VAMP4: variants seen among roughly 807,000 people sequenced by gnomAD.
VAMP4 encodes vesicle associated membrane protein 4.
Under a neutral mutation model 23.5 loss-of-function variants are expected in VAMP4, and 19 were observed. The observed-to-expected ratio is 0.81, with a 90% CI of 0.56 to 1.19. The LOEUF (loss-of-function observed/expected upper bound fraction) is 1.19, where lower values mean the gene tolerates loss of function less well. Ranked by LOEUF, VAMP4 falls within the 50% of genes most tolerant of loss-of-function variation. VAMP4 has a pLI of 0.00. For missense variants in VAMP4, 145 were observed against 168.6 expected (o/e 0.86, Z 0.78); for synonymous variants, 31 against 51.0 (o/e 0.61, Z 1.67).
At chr1:171,717,304 G>A (rs1367609307) in intron 4 of VAMP4, among the ~76,000 whole-genome samples, 2 of 152,160 alleles carry the variant, frequency 1.3e-5, no homozygotes, top group African/African-American at 2.4e-5. Flanking sequence ...CTCAGTGCAG[G>A]AGAATGGTTC....
At position 171,728,398 on chromosome 1, in the gene VAMP4, T is replaced by C. The variant is rs530015480; in HGVS notation, c.113+126A>G. ...TTTTCACATATCCACTGGGGGATCT[T>C]GGAAGGCATCTCTCACGTATAAGGG... On this transcript the variant is annotated intron_variant, in intron 3 of 7. Coordinates refer to ENST00000236192, the MANE Select transcript of VAMP4 (RefSeq NM_003762.5). The C allele has an allele frequency of 1.3e-5, 9 of 699,988 alleles. No homozygotes were observed. In the East Asian group the frequency reaches 2.3e-4, roughly 18 times the overall value. 43.4% of individuals were successfully genotyped at this position (699,988 alleles called of 1,614,324 possible).
intron 2 of VAMP4, among the ~76,000 whole-genome samples, chr1:171,729,978 G>C (rs1389955177): frequency 6.6e-6 from 1 of 152,126 alleles, no homozygotes; most frequent in African/African-American, 2.4e-5. Context: ...GACAGACAGA[G>C]ACAGACAGAC....
At chr1:171,733,451 C>A (rs1458184955) in intron 2 of VAMP4, among the ~76,000 whole-genome samples, 4 of 151,914 alleles carry the variant, frequency 2.6e-5, no homozygotes. Flanking sequence ...CAAAGCCAGA[C>A]CCTGTCTCAA....
Position 171,740,825 on chromosome 1 carries a change from T to A in VAMP4, c.-50+1085A>T, listed in dbSNP as rs1369887764. On this transcript the variant is annotated intron_variant, in intron 1 of 7. Coordinates refer to ENST00000236192, the MANE Select transcript of VAMP4 (RefSeq NM_003762.5). ...TACAGTAAAACTACAATCTTAAGGA[T>A]GAGCAAACACCATATTCAGGTCTCT... 2.0e-5 allele frequency among the ~76,000 whole-genome samples: 3 copies of A among 152,336 alleles called. No homozygotes were observed. The East Asian group carries it at 5.8e-4, about 29-fold the overall frequency.
intron 4 of VAMP4, 64 bp from the exon 5 acceptor site, chr1:171,710,878 T>C: frequency 2.5e-6 from 3 of 1,205,342 alleles, no homozygotes; most frequent in Non-Finnish European, 3.5e-6. Context: ...TTTTTAAAAC[T>C]TTCATTAGAC....
At position 171,701,312 on chromosome 1, in the gene VAMP4, A is replaced by G. The variant is rs1654424632; in HGVS notation, c.*3194T>C. 1 of 152,204 alleles carries G rather than the reference A, an allele frequency of 6.6e-6. No homozygotes were observed. The highest frequency in any genetic ancestry group is 1.5e-5 in the Non-Finnish European group (1 of 68,020). The allele number at this position is 152,204 out of a possible 1,614,324, so 9.4% of individuals were successfully genotyped here. A position where few individuals can be genotyped will look rare whatever the true frequency, so the allele number is the denominator to read the frequency against. On this transcript the variant is annotated 3_prime_UTR_variant, in exon 8 of 8. Coordinates refer to ENST00000236192, the MANE Select transcript of VAMP4 (RefSeq NM_003762.5). ...TAGTAATACTCTGACAATACAATTA[A>G]GGGGACATCTTCTAATGGCATTTGT...
intron 2 of VAMP4, among the ~76,000 whole-genome samples, chr1:171,736,794 C>T (rs185245218): frequency 1.4e-4 from 21 of 152,006 alleles, no homozygotes; most frequent in Non-Finnish European, 2.9e-4. Flanking sequence ...CTGGGCAACA[C>T]GGCAAAACCC....
Position 171,704,385 on chromosome 1 carries a change from G to C in VAMP4, c.*121C>G. The stretch of plus-strand genomic sequence containing the variant: ...AACGTTCCAATTTGAAGTGATACTT[G>C]CCTCTTAGTTTCTTGAAAAAGAAGT... On this transcript the variant is annotated 3_prime_UTR_variant, in exon 8 of 8. Transcript: ENST00000236192. 1.5e-6 allele frequency: 1 copy of C among 645,278 alleles called. No individual in the cohort carries two copies. The highest frequency in any genetic ancestry group is 3.4e-5 in the East Asian group (1 of 29,416). The allele number at this position is 645,278 out of a possible 1,614,324, so 40.0% of individuals were successfully genotyped here.
intron 4 of VAMP4, among the ~76,000 whole-genome samples, chr1:171,715,040 G>A (rs867228813): frequency 6.6e-6 from 1 of 152,248 alleles, no homozygotes; most frequent in South Asian, 2.1e-4. Context: ...TGGATGGTGA[G>A]AAAGTTCTAG....
At chr1:171,722,113 C>T (rs1309578906) in intron 3 of VAMP4, among the ~76,000 whole-genome samples, 1 of 152,090 alleles carries the variant, frequency 6.6e-6, no homozygotes. Flanking sequence ...CATCTACAAC[C>T]ATCTGATCTT....
intron 3 of VAMP4, among the ~76,000 whole-genome samples, chr1:171,724,997 T>A (rs1655321475): frequency 6.6e-6 from 1 of 152,182 alleles, no homozygotes; most frequent in Non-Finnish European, 1.5e-5. Context: ...TGGCATTAAG[T>A]AATTCACTTA....
At chr1:171,715,668 G>C (rs560877208) in intron 4 of VAMP4, among the ~76,000 whole-genome samples, 20 of 152,074 alleles carry the variant, frequency 1.3e-4, no homozygotes, top group Non-Finnish European at 2.2e-4. Flanking sequence ...AGTGCCCTTC[G>C]ATTAAGAAAC....
chr1:171,728,710 C>A, intron 2 of VAMP4, 140 bp from the exon 3 acceptor site: 1 of 736,294 alleles, frequency 1.4e-6, no homozygotes, highest in Non-Finnish European at 2.1e-6. Context: ...AATTACATAT[C>A]CTTCACTGGA....
At position 171,726,485 on chromosome 1, in the gene VAMP4, G is replaced by T. The variant is rs371740317; in HGVS notation, c.113+2039C>A. 6.6e-5 allele frequency among the ~76,000 whole-genome samples: 10 copies of T among 152,296 alleles called. 1 individual carries two copies. The highest frequency in any genetic ancestry group is 2.0e-4 in the Admixed American group (3 of 15,292). On this transcript the variant is annotated intron_variant, in intron 3 of 7. Transcript: ENST00000236192. The stretch of plus-strand genomic sequence containing the variant: ...GCCAAATATAAACCTAGACCTGTCT[G>T]AGAGCTCTTTCTAATCATAACTACA...
At chr1:171,739,908 A>AT (rs1054308559) in intron 1 of VAMP4, among the ~76,000 whole-genome samples, 7 of 151,860 alleles carry the variant, frequency 4.6e-5, no homozygotes, top group South Asian at 4.2e-4. Flanking sequence ...ACATACTAAA[A>AT]TTTTTTTTTG....
intron 4 of VAMP4, among the ~76,000 whole-genome samples, chr1:171,716,114 G>A (rs1201571980): frequency 6.6e-6 from 1 of 152,166 alleles, no homozygotes; most frequent in Non-Finnish European, 1.5e-5. Context: ...AAGTTAAGCT[G>A]TATTTTTGCA....
rs1161544216 is a variant in VAMP4, at chr1:171,703,249, G to GTATT, written c.*1253_*1256dup. The GTATT allele has an allele frequency of 6.6e-6, 1 of 150,716 alleles. No individual in the cohort carries two copies. The highest frequency in any genetic ancestry group is 2.4e-5 in the African/African-American group (1 of 41,098). 9.3% of individuals were successfully genotyped at this position (150,716 alleles called of 1,614,324 possible). A position where few individuals can be genotyped will look rare whatever the true frequency, so the allele number is the denominator to read the frequency against. ...CTCTCCCCACACCTTAGGGGACAAT[G>GTATT]TATTTTCACTCTGACTTGTTTAAAA... On this transcript the variant is annotated 3_prime_UTR_variant, in exon 8 of 8. Coordinates refer to ENST00000236192, the MANE Select transcript of VAMP4 (RefSeq NM_003762.5).
At chr1:171,713,370 G>A (rs915429296) in intron 4 of VAMP4, among the ~76,000 whole-genome samples, 4 of 151,922 alleles carry the variant, frequency 2.6e-5, no homozygotes, top group Non-Finnish European at 5.9e-5. Context: ...TGAATAAAAT[G>A]TACTAAGGCT....
rs951170642 is a variant in VAMP4, at chr1:171,725,367, G to A, written c.113+3157C>T. 1.6e-4 allele frequency among the ~76,000 whole-genome samples: 25 copies of A among 152,174 alleles called. 1 individual carries two copies. The highest frequency in any genetic ancestry group is 6.0e-4 in the African/African-American group (25 of 41,434). On this transcript the variant is annotated intron_variant, in intron 3 of 7. Coordinates refer to ENST00000236192, the MANE Select transcript of VAMP4 (RefSeq NM_003762.5). ...TTCTAGCTACTCTGGTAGGGGACCT[G>A]AGGCAGGAGAATCACTTGAGGTCAG...
Sources: allele counts gnomAD v4.1 joint callset (sites outside exome capture counted in the v4.1 genomes callset), GRCh38; gene constraint gnomAD v4.1.1; transcripts MANE v1.5; gene names NCBI Gene and HGNC (gene_info 2026-07-23, HGNC 2026-07-21).